Variants in EMC1 observed in about 807,000 individuals in gnomAD.
The protein encoded by EMC1 is ER membrane protein complex subunit 1.
A neutral mutation model predicts 128.8 loss-of-function variants in EMC1; 103 were observed. The ratio of observed to expected loss-of-function variants is 0.80; its 90% CI spans 0.68 to 0.94. The LOEUF is 0.94. Ranked by LOEUF, EMC1 falls within the 40% of genes least tolerant of loss-of-function variation. The pLI is 0.00. For synonymous variants in EMC1, 442 were observed against 490.4 expected, an observed-to-expected ratio of 0.90 and a Z score of 1.30; for missense variants, 1,083 against 1,250.6, an observed-to-expected ratio of 0.87 and a Z score of 2.02.
At chr1:19,232,815 A>C (rs1458781979) in intron 14 of EMC1, 42 bp from the exon 15 acceptor site, 2 of 1,613,106 alleles carry the variant, frequency 1.2e-6, no homozygotes, top group Non-Finnish European at 1.7e-6. Context: ...TAGAAAGAGA[A>C]ACCAAAGAAC....
At chr1:19,227,761 G>GGGAGGCTGAGGC (rs1465836096) in intron 17 of EMC1, among the ~76,000 whole-genome samples, 1 of 152,102 alleles carries the variant, frequency 6.6e-6, no homozygotes, top group East Asian at 1.9e-4. Context: ...CTAGCCACTC[G>GGGAGGCTGAGGC]GGAGGCTGAG....
chr1:19,222,919 T>A, intron 19 of EMC1, 85 bp from the exon 20 acceptor site: 1 of 961,158 alleles, frequency 1.0e-6, no homozygotes, highest in Non-Finnish European at 1.6e-6. Context: ...CCCCTCTAAT[T>A]AGCTACAGAT....
At chr1:19,221,041 A>G (rs1037012699) in intron 20 of EMC1, 193 bp from the exon 21 acceptor site, 3 of 428,786 alleles carry the variant, frequency 7.0e-6, no homozygotes, top group South Asian at 4.6e-5. Context: ...TTTTGAAGAC[A>G]CTGGTTTCTT....
intron 18 of EMC1, among the ~76,000 whole-genome samples, chr1:19,227,107 C>A (rs2093480840): frequency 6.6e-6 from 1 of 152,048 alleles, no homozygotes. Flanking sequence ...AGGCACTGGG[C>A]TAGACATGAA....
intron 4 of EMC1, among the ~76,000 whole-genome samples, chr1:19,242,986 C>T (rs1191449627): frequency 6.6e-6 from 1 of 152,240 alleles, no homozygotes; most frequent in Non-Finnish European, 1.5e-5. Context: ...GCCTGTAATC[C>T]CAACACTTTG....
At chr1:19,223,284 C>T (rs2093446030) in intron 19 of EMC1, 112 bp downstream of exon 19, 2 of 992,352 alleles carry the variant, frequency 2.0e-6, no homozygotes, top group African/African-American at 3.2e-5. Context: ...TGCTGCCATC[C>T]AGGGAATTTG....
intron 20 of EMC1, chr1:19,221,721 A>G (rs1446112556): frequency 1.3e-5 from 2 of 152,032 alleles, no homozygotes; most frequent in African/African-American, 2.4e-5. Context: ...TCAACTAAAC[A>G]CAGGAACCTG....
intron 5 of EMC1, 62 bp from the exon 6 acceptor site, chr1:19,241,204 G>C: frequency 6.3e-7 from 1 of 1,585,810 alleles, no homozygotes; most frequent in East Asian, 2.2e-5. Context: ...TTATCCTCAG[G>C]GGCTGCCAGG....
intron 13 of EMC1, 130 bp from the exon 14 acceptor site, chr1:19,233,265 A>G: frequency 1.3e-6 from 1 of 775,982 alleles, no homozygotes; most frequent in Non-Finnish European, 2.1e-6. Context: ...CCACAAGCCC[A>G]AAGGGCAGTC....
In EMC1 at chr1:19,219,266, C is replaced by A. The variant is rs1466416109; in HGVS notation, c.*37G>T. ...TGTAGCTGCTTATCTGACCCACACT[C>A]CCCTGGCTCTCCACTTTTAGGCACA... On this transcript the variant is annotated 3_prime_UTR_variant, in exon 23 of 23. Coordinates refer to ENST00000477853, the MANE Select transcript of EMC1 (RefSeq NM_015047.3). 2.5e-6 allele frequency: 4 copies of A among 1,609,790 alleles called. No individual in the cohort carries two copies. The highest frequency in any genetic ancestry group is 2.5e-6 in the Non-Finnish European group (3 of 1,176,896).
chr1:19,251,393 A>C (rs753284124), intron 1 of EMC1, 22 bp downstream of exon 1: 30 of 1,608,010 alleles, frequency 1.9e-5, no homozygotes, highest in Non-Finnish European at 2.2e-5. Flanking sequence ...TTATCTCTCG[A>C]ATATGTTCCA....
intron 4 of EMC1, among the ~76,000 whole-genome samples, chr1:19,242,948 A>G (rs2093614815): frequency 6.6e-6 from 1 of 152,184 alleles, no homozygotes; most frequent in Admixed American, 6.5e-5. Context: ...CATTTGAACA[A>G]CTTTAGGGGC....
At chr1:19,247,264 C>T (rs2093635851) in intron 1 of EMC1, among the ~76,000 whole-genome samples, 1 of 152,178 alleles carries the variant, frequency 6.6e-6, no homozygotes, top group East Asian at 1.9e-4. Flanking sequence ...GGATTGAACT[C>T]CTGGGCTCAA....
intron 15 of EMC1, among the ~76,000 whole-genome samples, chr1:19,231,842 C>T (rs1408692873): frequency 1.3e-5 from 2 of 152,126 alleles, no homozygotes; most frequent in Non-Finnish European, 1.5e-5. Flanking sequence ...AGGCTGGTCT[C>T]GAACTCCTGG....
chr1:19,237,308 G>C (rs530367124), intron 11 of EMC1, 70 bp from the exon 12 acceptor site: 1 of 1,084,300 alleles, frequency 9.2e-7, no homozygotes, highest in South Asian at 1.2e-5. Context: ...CAGACCCCAG[G>C]AGTCAAAGCC....
In EMC1 at chr1:19,243,736, A is replaced by G. The variant is rs1424376118; in HGVS notation, c.287-29T>C. 4 of 1,606,848 alleles carry G rather than the reference A, an allele frequency of 2.5e-6. No individual in the cohort carries two copies. The Admixed American group carries it at 6.7e-5, about 27-fold the overall frequency. ...GAAAAGAAAAGATCGTGGTGAAGTCATTTCCCACTTGCTCTGTCGCTTCCT... is the reference window on the plus strand; with the variant it reads ...GAAAAGAAAAGATCGTGGTGAAGTCGTTTCCCACTTGCTCTGTCGCTTCCT... On this transcript the variant is annotated intron_variant, in intron 3 of 22. Coordinates refer to ENST00000477853, the MANE Select transcript of EMC1 (RefSeq NM_015047.3).
chr1:19,224,683 A>G (rs2093458562), intron 18 of EMC1, among the ~76,000 whole-genome samples: 1 of 152,146 alleles, frequency 6.6e-6, no homozygotes, highest in African/African-American at 2.4e-5. Context: ...ATCTAGGTCA[A>G]ATGAGCCTGT....
At chr1:19,234,358 G>A (rs537667435) in intron 13 of EMC1, among the ~76,000 whole-genome samples, 3 of 152,322 alleles carry the variant, frequency 2.0e-5, no homozygotes, top group East Asian at 3.9e-4. Context: ...CTGAATCAGA[G>A]CAGAGTGAAT....
chr1:19,240,263 C>T (rs758742630), intron 7 of EMC1, 34 bp downstream of exon 7: 1 of 1,613,134 alleles, frequency 6.2e-7, no homozygotes, highest in African/African-American at 1.3e-5. Flanking sequence ...GCAGGAAATG[C>T]CTCAGGCCAG....
Sources: gnomAD v4.1 joint callset for allele counts (sites outside exome capture counted in the v4.1 genomes callset) on GRCh38, gnomAD v4.1.1 for gene constraint, MANE v1.5 for transcripts, NCBI Gene and HGNC (gene_info 2026-07-23, HGNC 2026-07-21) for gene names.